Variants in STPG2 observed in about 807,000 individuals in gnomAD.
The protein encoded by STPG2 is sperm-tail PG-rich repeat-containing protein 2.
A neutral mutation model predicts 54.2 loss-of-function variants in STPG2; 56 were observed. That is an observed-to-expected ratio of 1.03 (90% CI 0.83 to 1.29). The LOEUF is 1.29. Among genes scored for constraint, STPG2 ranks in the 50% most tolerant of loss-of-function variants. STPG2 has a pLI of 0.00. For missense variants in STPG2, 596 were observed against 544.9 expected, an observed-to-expected ratio of 1.09 and a Z score of -0.93; for synonymous variants, 200 against 181.8, an observed-to-expected ratio of 1.10 and a Z score of -0.81.
intron 8 of STPG2, among the ~76,000 whole-genome samples, chr4:97,896,018 T>C (rs1217479411): frequency 1.3e-5 from 2 of 151,840 alleles, no homozygotes; most frequent in Non-Finnish European, 3.0e-5. Context: ...AGTTTTTCAA[T>C]TCCATTTTTC....
chr4:97,868,953 A>G (rs1022073392), intron 8 of STPG2, among the ~76,000 whole-genome samples: 1 of 151,920 alleles, frequency 6.6e-6, no homozygotes, highest in African/African-American at 2.4e-5. Context: ...ATCTTATCTC[A>G]CATTATGCCA....
intron 8 of STPG2, among the ~76,000 whole-genome samples, chr4:97,871,241 TAAC>T (rs1173843849): frequency 2.0e-5 from 3 of 150,478 alleles, no homozygotes. Context: ...TGTAGGAAAA[TAAC>T]AATCACATAA....
At chr4:97,661,592 C>T (rs573177446) in intron 10 of STPG2, among the ~76,000 whole-genome samples, 3 of 152,164 alleles carry the variant, frequency 2.0e-5, no homozygotes, top group African/African-American at 7.2e-5. Flanking sequence ...AATATCTCTA[C>T]AAATGGAGAT....
At chr4:97,967,762 G>A (rs185347561) in intron 7 of STPG2, among the ~76,000 whole-genome samples, 6 of 152,250 alleles carry the variant, frequency 3.9e-5, no homozygotes, top group African/African-American at 1.2e-4. Flanking sequence ...AATGACTACT[G>A]GGTACATAAC....
At chr4:98,124,107 C>T (rs1350700837) in intron 3 of STPG2, among the ~76,000 whole-genome samples, 1 of 152,158 alleles carries the variant, frequency 6.6e-6, no homozygotes, top group African/African-American at 2.4e-5. Flanking sequence ...ATACAGCACA[C>T]CGATGGATCT....
chr4:97,866,368 T>A (rs955076175), intron 8 of STPG2, among the ~76,000 whole-genome samples: 1 of 152,002 alleles, frequency 6.6e-6, no homozygotes, highest in Non-Finnish European at 1.5e-5. Flanking sequence ...ACCCCATAAA[T>A]ACACACACAT....
Position 97,903,880 on chromosome 4 carries a change from C to T in STPG2, c.1044+40017G>A, listed in dbSNP as rs768064396. 1.3e-4 allele frequency among the ~76,000 whole-genome samples: 20 copies of T among 152,314 alleles called. No individual in the cohort carries two copies. In the South Asian group the frequency reaches 1.5e-3, roughly 11 times the overall value. ...TCGGGTCACTCCCACCCGAATACTG[C>T]GCTTTTCCAACGGGCTTAAAAAATG... On this transcript the variant is annotated intron_variant, in intron 8 of 10. Coordinates refer to ENST00000295268, the MANE Select transcript of STPG2 (RefSeq NM_174952.3).
At chr4:98,017,775 G>C (rs1308231678) in intron 5 of STPG2, among the ~76,000 whole-genome samples, 1 of 152,176 alleles carries the variant, frequency 6.6e-6, no homozygotes, top group Non-Finnish European at 1.5e-5. Flanking sequence ...GAGGAGACTG[G>C]ATCATGGTGG....
At chr4:97,517,499 T>A (rs1003507750) in intron 4 of STPG2, among the ~76,000 whole-genome samples, 1 of 152,168 alleles carries the variant, frequency 6.6e-6, no homozygotes, top group Non-Finnish European at 1.5e-5. Context: ...CATAAGAATC[T>A]CTGACTGCTA....
chr4:97,897,033 T>A (rs1046905781), intron 8 of STPG2, among the ~76,000 whole-genome samples: 6 of 151,956 alleles, frequency 3.9e-5, no homozygotes, highest in Non-Finnish European at 7.4e-5. Flanking sequence ...CTATTAGTTA[T>A]TATTCCTGAT....
intron 8 of STPG2, among the ~76,000 whole-genome samples, chr4:97,864,482 G>A (rs1729685278): frequency 6.6e-6 from 1 of 152,082 alleles, no homozygotes; most frequent in South Asian, 2.1e-4. Flanking sequence ...TCATGGATAG[G>A]AAGAATCAAT....
At chr4:97,866,711 G>A (rs1042373823) in intron 8 of STPG2, among the ~76,000 whole-genome samples, 1 of 151,848 alleles carries the variant, frequency 6.6e-6, no homozygotes, top group Non-Finnish European at 1.5e-5. Context: ...GTATTTTGGA[G>A]ACTATAAAGC....
chr4:97,798,595 A>G (rs1727281539), intron 9 of STPG2, among the ~76,000 whole-genome samples: 1 of 148,416 alleles, frequency 6.7e-6, no homozygotes, highest in Non-Finnish European at 1.5e-5. Context: ...GAAGTGCTTT[A>G]CTTCCAACTC....
intron 10 of STPG2, among the ~76,000 whole-genome samples, chr4:97,634,189 C>T (rs1038958448): frequency 1.3e-5 from 2 of 152,150 alleles, no homozygotes; most frequent in Admixed American, 6.5e-5. Context: ...TGACCCCTGA[C>T]CCCCGAGCAC....
intron 5 of STPG2, among the ~76,000 whole-genome samples, chr4:98,022,344 C>T (rs62318511): frequency 6.7e-6 from 1 of 150,036 alleles, no homozygotes; most frequent in Non-Finnish European, 1.5e-5. Context: ...TGAATATTGG[C>T]CCCCACTCTC....
chr4:97,566,210 G>A (rs1314474763), intron 10 of STPG2, among the ~76,000 whole-genome samples: 2 of 152,304 alleles, frequency 1.3e-5, no homozygotes, highest in South Asian at 4.1e-4. Flanking sequence ...AGCAATCAGT[G>A]ATACTCCATG....
At chr4:97,441,602 A>G (rs923050186) in intron 4 of STPG2, 8 of 152,014 alleles carry the variant, frequency 5.3e-5, no homozygotes, top group African/African-American at 1.4e-4. Context: ...AAGTCAAAAT[A>G]TTCTTTCAGA....
At chr4:98,041,847 T>C (rs556754666) in intron 5 of STPG2, among the ~76,000 whole-genome samples, 15 of 152,080 alleles carry the variant, frequency 9.9e-5, no homozygotes. Flanking sequence ...ATTGACTTTG[T>C]AAAATGAGTT....
chr4:97,596,259 A>C (rs1430336706), intron 10 of STPG2, among the ~76,000 whole-genome samples: 1 of 152,170 alleles, frequency 6.6e-6, no homozygotes, highest in Non-Finnish European at 1.5e-5. Flanking sequence ...CCAGATTAAA[A>C]AGTAAGTTCT....
Sources: gnomAD v4.1 joint callset for allele counts (sites outside exome capture counted in the v4.1 genomes callset) on GRCh38, gnomAD v4.1.1 for gene constraint, MANE v1.5 for transcripts, NCBI Gene and HGNC (gene_info 2026-07-23, HGNC 2026-07-21) for gene names.